The following LRP12 variants were observed in gnomAD, a reference collection of about 807,000 sequenced individuals.
The protein encoded by LRP12 is low-density lipoprotein receptor-related protein 12.
LRP12 carries 14 observed loss-of-function variants against 66.0 expected under a neutral mutation model. The observed-to-expected ratio is 0.21, with a 90% CI of 0.14 to 0.33. LRP12 has a LOEUF of 0.33. LRP12 is among the 10% of genes least tolerant of loss of function. The pLI, the probability that LRP12 is intolerant of heterozygous loss-of-function variation, is 1.00. For synonymous variants in LRP12, 357 were observed against 359.1 expected (o/e 0.99, Z 0.07); for missense variants, 889 against 1,053.4 (o/e 0.84, Z 2.16).
In LRP12 at chr8:104,580,118, A is replaced by C. The variant is rs149266227; in HGVS notation, c.79+8701T>G. Among the ~76,000 whole-genome samples the C allele has an allele frequency of 5.0e-3, 757 of 152,314 alleles. 2 individuals are homozygous for C. Among genetic ancestry groups the C allele is most frequent in the Non-Finnish European group, 7.2e-3 (487 of 68,020 alleles). On this transcript the variant is annotated intron_variant, in intron 1 of 6. Coordinates refer to ENST00000276654, the MANE Select transcript of LRP12 (RefSeq NM_013437.5). The stretch of plus-strand genomic sequence containing the variant: ...CTGACGAGCTTCTGTCCAGCAAAGG[A>C]AACGGTCAACAGAGTGAATAGGCTA...
In LRP12 at chr8:104,524,064, G is replaced by A. The variant is rs552349623; in HGVS notation, c.136+7843C>T. Reference sequence around the variant, plus strand: ...AGTTCAAGACCAGCCTGGGCAACATGGCAAAACCCCGTCTCTACAAAAACA... The same window carrying A: ...AGTTCAAGACCAGCCTGGGCAACATAGCAAAACCCCGTCTCTACAAAAACA... On this transcript the variant is annotated intron_variant, in intron 2 of 6. Coordinates refer to ENST00000276654, the MANE Select transcript of LRP12 (RefSeq NM_013437.5). Among the ~76,000 whole-genome samples the A allele has an allele frequency of 1.7e-4, 26 of 151,874 alleles. 1 individual carries two copies. Among genetic ancestry groups the A allele is most frequent in the African/African-American group, 6.3e-4 (26 of 41,414 alleles).
chr8:104,547,744 AATC>A (rs935672883), intron 1 of LRP12, among the ~76,000 whole-genome samples: 1 of 124,814 alleles, frequency 8.0e-6, no homozygotes, highest in Non-Finnish European at 1.6e-5. Flanking sequence ...TATAATATAT[AATC>A]ATATATAATA....
intron 2 of LRP12, among the ~76,000 whole-genome samples, chr8:104,511,982 A>C (rs1485559876): frequency 6.6e-6 from 1 of 152,192 alleles, no homozygotes; most frequent in African/African-American, 2.4e-5. Context: ...ACGTTTTAGA[A>C]AAAGACTATA....
At position 104,530,587 on chromosome 8, in the gene LRP12, A is replaced by C. The variant is rs1269318650; in HGVS notation, c.136+1320T>G. Among the ~76,000 whole-genome samples, 3 of 152,176 alleles carry C rather than the reference A, an allele frequency of 2.0e-5. No individual in the cohort carries two copies. The East Asian group carries it at 5.8e-4, about 29-fold the overall frequency. ...GAGAAAAACTGATGTCTGTTATTTA[A>C]GCCATCCACAGTAGTATTTTGTTGC... On this transcript the variant is annotated intron_variant, in intron 2 of 6. Coordinates refer to ENST00000276654, the MANE Select transcript of LRP12 (RefSeq NM_013437.5).
chr8:104,561,088 A>C (rs1380168521), intron 1 of LRP12, among the ~76,000 whole-genome samples: 2 of 152,234 alleles, frequency 1.3e-5, no homozygotes, highest in African/African-American at 2.4e-5. Flanking sequence ...TCACTGCAGC[A>C]CAAAAGCAGC....
chr8:104,553,433 G>A (rs1444647580), intron 1 of LRP12, among the ~76,000 whole-genome samples: 1 of 152,132 alleles, frequency 6.6e-6, no homozygotes, highest in Non-Finnish European at 1.5e-5. Flanking sequence ...GGCCTTTCAG[G>A]CTGCATGGGA....
At chr8:104,558,792 C>CT (rs2140885743) in intron 1 of LRP12, among the ~76,000 whole-genome samples, 1 of 151,628 alleles carries the variant, frequency 6.6e-6, no homozygotes, top group African/African-American at 2.4e-5. Flanking sequence ...GAAAAGTCTG[C>CT]TAAGGACATG....
chr8:104,551,368 T>TA (rs1401043076), intron 1 of LRP12, among the ~76,000 whole-genome samples: 1 of 152,202 alleles, frequency 6.6e-6, no homozygotes, highest in Non-Finnish European at 1.5e-5. Context: ...TATCAATATT[T>TA]AAAAATAATT....
chr8:104,495,324 G>T, intron 5 of LRP12, 115 bp from the exon 6 acceptor site: 1 of 1,073,212 alleles, frequency 9.3e-7, no homozygotes, highest in Non-Finnish European at 1.3e-6. Context: ...TCATTTTAAA[G>T]CTTAGTCATT....
intron 1 of LRP12, among the ~76,000 whole-genome samples, chr8:104,548,411 A>T (rs1200499865): frequency 8.5e-5 from 9 of 106,368 alleles, no homozygotes; most frequent in African/African-American, 3.3e-4. Flanking sequence ...TAAATATATG[A>T]TATATTAATA....
chr8:104,516,734 C>G (rs1346296028), intron 2 of LRP12, among the ~76,000 whole-genome samples: 2 of 151,886 alleles, frequency 1.3e-5, no homozygotes, highest in Non-Finnish European at 2.9e-5. Flanking sequence ...AGTGCTCAGC[C>G]TCTATTAAGA....
intron 2 of LRP12, among the ~76,000 whole-genome samples, chr8:104,525,798 T>G (rs1030455402): frequency 6.6e-6 from 1 of 151,928 alleles, no homozygotes; most frequent in Admixed American, 6.6e-5. Flanking sequence ...CTCTCACCAC[T>G]CCTATTCAAC....
chr8:104,586,997 G>T (rs1812343297), intron 1 of LRP12, among the ~76,000 whole-genome samples: 1 of 152,072 alleles, frequency 6.6e-6, no homozygotes, highest in Non-Finnish European at 1.5e-5. Flanking sequence ...ATTCCAAAAA[G>T]ATAAAAGCTT....
At chr8:104,557,080 C>T (rs910164789) in intron 1 of LRP12, among the ~76,000 whole-genome samples, 1 of 152,034 alleles carries the variant, frequency 6.6e-6, no homozygotes, top group Non-Finnish European at 1.5e-5. Flanking sequence ...AATTAAAACC[C>T]GCAGTGGAAT....
chr8:104,531,341 TTAAG>T (rs1319086021), intron 2 of LRP12, among the ~76,000 whole-genome samples: 1 of 152,112 alleles, frequency 6.6e-6, no homozygotes, highest in Non-Finnish European at 1.5e-5. Context: ...TTATAAGTCT[TTAAG>T]TAATTATAAA....
chr8:104,574,367 G>T (rs1310278820), intron 1 of LRP12, among the ~76,000 whole-genome samples: 1 of 152,058 alleles, frequency 6.6e-6, no homozygotes, highest in Non-Finnish European at 1.5e-5. Flanking sequence ...GGAGTCCTGC[G>T]ACCCGAAAGT....
At chr8:104,492,616 T>C (rs961507066) in intron 6 of LRP12, among the ~76,000 whole-genome samples, 4 of 152,202 alleles carry the variant, frequency 2.6e-5, no homozygotes, top group Non-Finnish European at 4.4e-5. Flanking sequence ...TGTCCTCTTA[T>C]GTTCTGTATC....
intron 1 of LRP12, among the ~76,000 whole-genome samples, chr8:104,544,865 T>C (rs969830520): frequency 3.2e-4 from 48 of 152,320 alleles, no homozygotes; most frequent in African/African-American, 1.1e-3. Flanking sequence ...CTGCTGCCCA[T>C]GAATCAGGAG....
Position 104,509,034 on chromosome 8 carries a change from G to A in LRP12, c.177C>T (p.Gly59=), listed in dbSNP as rs1810950970. The change falls in exon 3 of 7, where the codon GGC becomes GGT. Residue 59 remains glycine (G), a synonymous_variant. Transcript: ENST00000276654. ...ETPEQIRAPS[G]IITSPGWPSE... ...AAGGCCAGCCTGGGCTTGTGATTATGCCACTTGGTGCTCGTATTTGCTCTG... is the reference window on the plus strand; with the variant it reads ...AAGGCCAGCCTGGGCTTGTGATTATACCACTTGGTGCTCGTATTTGCTCTG... 1 of 1,613,736 alleles carries A rather than the reference G, an allele frequency of 6.2e-7. No homozygotes were observed. The highest frequency in any genetic ancestry group is 1.3e-5 in the African/African-American group (1 of 74,916).
Sources: gnomAD v4.1 joint callset for allele counts (sites outside exome capture counted in the v4.1 genomes callset) on GRCh38, gnomAD v4.1.1 for gene constraint, MANE v1.5 for transcripts, NCBI Gene and HGNC (gene_info 2026-07-23, HGNC 2026-07-21) for gene names.